The following TRMT1L variants were observed in gnomAD, a reference collection of about 807,000 sequenced individuals.
TRMT1L encodes tRNA methyltransferase 1L.
TRMT1L carries 28 observed loss-of-function variants against 81.6 expected under a neutral mutation model. The observed-to-expected ratio is 0.34, with a 90% confidence interval of 0.25 to 0.47. The LOEUF (loss-of-function observed/expected upper bound fraction) is 0.47, where lower values mean the gene tolerates loss of function less well. TRMT1L is among the 20% of genes least tolerant of loss of function. The pLI is 1.00. For synonymous variants in TRMT1L, 301 were observed against 303.2 expected, an observed-to-expected ratio of 0.99 and a Z score of 0.07; for missense variants, 739 against 877.1, an observed-to-expected ratio of 0.84 and a Z score of 1.99.
intron 8 of TRMT1L, 31 bp downstream of exon 8, chr1:185,139,942 G>C (rs201046209): frequency 6.3e-7 from 1 of 1,579,492 alleles, no homozygotes; most frequent in South Asian, 1.2e-5. Context: ...GATAAGTTTA[G>C]AAAGTGACAC....
intron 7 of TRMT1L, among the ~76,000 whole-genome samples, chr1:185,141,738 T>C (rs2102247560): frequency 6.6e-6 from 1 of 152,084 alleles, no homozygotes; most frequent in African/African-American, 2.4e-5. Flanking sequence ...TGGTGAAGAA[T>C]ACTGAGAAAT....
In TRMT1L at chr1:185,120,230, C is replaced by A; in HGVS notation, c.1991G>T (p.Arg664Leu). ...FLCYLSQAGF[R>L]VSRTHFDPMG... ...TGGGTCAAAATGAGTTCGGCTTACT[C>A]GAAAGCCTGCTTGAGATAAATAGCA... The change falls in exon 15 of 15, where the codon CGA (arginine) becomes CTA (leucine). Residue 664 changes from arginine to leucine, a missense_variant. Arg to Leu is a moderately radical substitution (Grantham distance 102). Transcript: ENST00000367506. 2 of 1,594,178 alleles carry A rather than the reference C, an allele frequency of 1.3e-6. No homozygotes were observed. Among genetic ancestry groups the A allele is most frequent in the South Asian group, 1.1e-5 (1 of 87,254 alleles).
intron 4 of TRMT1L, among the ~76,000 whole-genome samples, chr1:185,146,602 A>G (rs557695591): frequency 1.2e-4 from 19 of 152,180 alleles, no homozygotes; most frequent in African/African-American, 4.6e-4. Flanking sequence ...TAGTGGCTCA[A>G]AAGAAAATGT....
chr1:185,125,189 T>C, intron 11 of TRMT1L, 79 bp from the exon 12 acceptor site: 1 of 996,710 alleles, frequency 1.0e-6, no homozygotes, highest in Non-Finnish European at 1.4e-6. Flanking sequence ...AATTTAACTA[T>C]AAGTAAGATA....
intron 13 of TRMT1L, among the ~76,000 whole-genome samples, chr1:185,121,443 TA>T (rs879814063): frequency 1.4e-3 from 195 of 143,772 alleles, no homozygotes; most frequent in Non-Finnish European, 1.3e-3. Context: ...CCCTGTCTCT[TA>T]AAAAAAAAAA....
At position 185,156,650 on chromosome 1, in the gene TRMT1L, C is replaced by T. The variant is rs746670795; in HGVS notation, c.63G>A (p.Gln21=). 6.2e-7 allele frequency: 1 copy of T among 1,610,364 alleles called. No individual in the cohort carries two copies. Among genetic ancestry groups the T allele is most frequent in the Non-Finnish European group, 8.5e-7 (1 of 1,178,678 alleles). Residue 21 remains glutamine (Q), a synonymous_variant, in exon 1 of 15, where the codon CAG becomes CAA. Coordinates refer to ENST00000367506, the MANE Select transcript of TRMT1L (RefSeq NM_030934.5). ...CCCGGGCCGGGGTCGGGACCTGGAC[C>T]TGGGCCACCTCCACCTCCTCCTTCT... is the stretch of plus-strand genomic sequence containing the variant. The part of the protein sequence containing the change: ...PLEKEEVEVA[Q]VQVPTPARDS...
intron 3 of TRMT1L, among the ~76,000 whole-genome samples, chr1:185,149,520 T>C (rs1653284579): frequency 1.3e-5 from 2 of 151,928 alleles, no homozygotes; most frequent in African/African-American, 4.8e-5. Context: ...CTCAGGCTGG[T>C]CTTGAACTCA....
At chr1:185,129,211 T>C (rs898434567) in intron 10 of TRMT1L, among the ~76,000 whole-genome samples, 14 of 152,184 alleles carry the variant, frequency 9.2e-5, no homozygotes, top group Non-Finnish European at 5.9e-5. Flanking sequence ...CAATAAAACA[T>C]ATATACTTTA....
chr1:185,132,958 A>G (rs993416245), intron 10 of TRMT1L, among the ~76,000 whole-genome samples: 2 of 152,204 alleles, frequency 1.3e-5, no homozygotes, highest in Admixed American at 1.3e-4. Flanking sequence ...GGTTAAACAG[A>G]AGCCCTTGCA....
intron 2 of TRMT1L, among the ~76,000 whole-genome samples, chr1:185,151,605 G>A (rs992888688): frequency 3.9e-5 from 6 of 152,032 alleles, no homozygotes; most frequent in Admixed American, 6.6e-5. Flanking sequence ...CTAGACATCC[G>A]TGAAATTATA....
chr1:185,154,215 G>T (rs1049106212), intron 1 of TRMT1L, among the ~76,000 whole-genome samples: 1 of 152,006 alleles, frequency 6.6e-6, no homozygotes, highest in Non-Finnish European at 1.5e-5. Context: ...TTTAAAGATG[G>T]GTCTTGCTCT....
rs374949418 is a variant in TRMT1L at position 185,119,153 on chromosome 1, A to T, written c.*866T>A. Reference sequence around the variant, plus strand: ...AAAATACCAAACCAAGCAACAACAAAAAAACAACCCCCAAACCCAAAAACT... The same window carrying T: ...AAAATACCAAACCAAGCAACAACAATAAAACAACCCCCAAACCCAAAAACT... On this transcript the variant is annotated 3_prime_UTR_variant, in exon 15 of 15. Coordinates refer to ENST00000367506, the MANE Select transcript of TRMT1L (RefSeq NM_030934.5). The T allele has an allele frequency of 6.6e-6, 1 of 152,004 alleles. No individual in the cohort carries two copies. Among genetic ancestry groups the T allele is most frequent in the South Asian group, 2.1e-4 (1 of 4,814 alleles). The allele number at this position is 152,004 out of a possible 1,614,324, so 9.4% of individuals were successfully genotyped here. A position where few individuals can be genotyped will look rare whatever the true frequency, so the allele number is the denominator to read the frequency against.
chr1:185,119,767 T>C lies in TRMT1L; in HGVS notation c.*252A>G. 2.7e-6 allele frequency: 1 copy of C among 364,246 alleles called. No homozygotes were observed. Among genetic ancestry groups the C allele is most frequent in the East Asian group, 4.3e-5 (1 of 23,082 alleles). The allele number at this position is 364,246 out of a possible 1,614,324, so 22.6% of individuals were successfully genotyped here. ...TTTTCTGAATTATTAAGCAGTAGGGTGATCTCAGTGAGACTTGGCTTCATA... is the reference window on the plus strand; with the variant it reads ...TTTTCTGAATTATTAAGCAGTAGGGCGATCTCAGTGAGACTTGGCTTCATA... On this transcript the variant is annotated 3_prime_UTR_variant, in exon 15 of 15. Transcript: ENST00000367506.
At chr1:185,121,858 G>A (rs1652508780) in intron 13 of TRMT1L, among the ~76,000 whole-genome samples, 1 of 151,704 alleles carries the variant, frequency 6.6e-6, no homozygotes, top group Admixed American at 6.6e-5. Flanking sequence ...TGTAATGCTG[G>A]GGTTTGGGGT....
intron 7 of TRMT1L, among the ~76,000 whole-genome samples, chr1:185,141,076 TAA>T (rs943171253): frequency 2.6e-4 from 40 of 151,950 alleles, no homozygotes; most frequent in African/African-American, 9.2e-4. Context: ...TCTACTAGCT[TAA>T]AGTCATAAGG....
intron 1 of TRMT1L, among the ~76,000 whole-genome samples, chr1:185,153,335 G>A (rs1295179758): frequency 6.6e-6 from 1 of 152,192 alleles, no homozygotes; most frequent in Admixed American, 6.5e-5. Flanking sequence ...TAATCTGGTA[G>A]TGAGGTATGA....
intron 11 of TRMT1L, among the ~76,000 whole-genome samples, chr1:185,127,089 A>G (rs12129018): frequency 0.016 from 2,494 of 152,340 alleles, 33 homozygotes; most frequent in Non-Finnish European, 0.025. Flanking sequence ...GGTCAGTTTT[A>G]GCAAGCACTT....
Position 185,120,415 on chromosome 1 carries a change from G to C in TRMT1L, c.1917C>G (p.His639Gln). 6.2e-7 allele frequency: 1 copy of C among 1,600,962 alleles called. No homozygotes were observed. Among genetic ancestry groups the C allele is most frequent in the South Asian group, 1.1e-5 (1 of 88,066 alleles). The change falls in exon 14 of 15, where the codon CAC (histidine) becomes CAG (glutamine). Residue 639 changes from histidine to glutamine, a missense_variant. By Grantham distance (24) the His-to-Gln change is conservative (BLOSUM62 0). Around this residue, in one of 4 missense-constraint regions of TRMT1L, gnomAD observed 196 missense variants for 232.6 expected, o/e 0.84. Coordinates refer to ENST00000367506, the MANE Select transcript of TRMT1L (RefSeq NM_030934.5). ...TEHPPFYYNI[H>Q]RHSIKGMNMP... ...TATTCATTCCTTTAATGCTGTGTCT[G>C]TGAATGTTGTAATAAAAGGGAGGAT...
Position 185,123,794 on chromosome 1 carries a change from C to A in TRMT1L, c.1822+63G>T, listed in dbSNP as rs570833797. The A allele has an allele frequency of 6.2e-6, 6 of 975,232 alleles. No individual in the cohort carries two copies. In the Admixed American group the frequency reaches 1.0e-4, roughly 17 times the overall value. 60.4% of individuals were successfully genotyped at this position (975,232 alleles called of 1,614,324 possible). A position where few individuals can be genotyped will look rare whatever the true frequency, so the allele number is the denominator to read the frequency against. The stretch of plus-strand genomic sequence containing the variant: ...CCATGGCAATCTCTTCTCTTCCTAC[C>A]CTTTTGCTATATGCCTTTTTGACCT... On this transcript the variant is annotated intron_variant, in intron 13 of 14. Coordinates refer to ENST00000367506, the MANE Select transcript of TRMT1L (RefSeq NM_030934.5).
Sources: gnomAD v4.1 joint callset for allele counts (sites outside exome capture counted in the v4.1 genomes callset) on GRCh38, gnomAD v4.1.1 for gene constraint, gnomAD v4.1.1 regional missense constraint, MANE v1.5 for transcripts, NCBI Gene and HGNC (gene_info 2026-07-23, HGNC 2026-07-21) for gene names.